Variants in PPFIBP1 observed in about 807,000 individuals in gnomAD.
PPFIBP1 encodes the protein liprin-beta-1.
Under a neutral mutation model 137.8 loss-of-function variants are expected in PPFIBP1, and 112 were observed. That is an observed-to-expected ratio of 0.81 (90% CI 0.70 to 0.95). The LOEUF (loss-of-function observed/expected upper bound fraction) is 0.95, where lower values mean the gene tolerates loss of function less well. Among genes scored for constraint, PPFIBP1 ranks in the 40% least tolerant of loss-of-function variants. The probability of loss-of-function intolerance (pLI) is 0.00; values close to 1 mark genes in which losing one functional copy is unlikely to be tolerated. For synonymous variants in PPFIBP1, 378 were observed against 417.3 expected (o/e 0.91, Z 1.15); for missense variants, 1,083 against 1,196.6 (o/e 0.91, Z 1.40).
chr12:27,647,727 A>G lies in PPFIBP1; in HGVS notation c.358-2A>G, dbSNP rs149472499. 6.3e-7 allele frequency: 1 copy of G among 1,580,132 alleles called. No individual in the cohort carries two copies. The highest frequency in any genetic ancestry group is 1.8e-5 in the Admixed American group (1 of 54,470). On this transcript the variant is annotated splice_acceptor_variant, in intron 5 of 29. Coordinates refer to ENST00000228425, the MANE Select transcript of PPFIBP1 (RefSeq NM_003622.4). LOFTEE classifies it high-confidence loss of function. ...CATTGCATTATTTTGCTCTAAATACAGGTAAGTGTGTTAACAGACCAGGTG... is the reference window on the plus strand; with the variant it reads ...CATTGCATTATTTTGCTCTAAATACGGGTAAGTGTGTTAACAGACCAGGTG...
At chr12:27,620,303 C>T (rs945757646) in intron 2 of PPFIBP1, among the ~76,000 whole-genome samples, 1 of 152,182 alleles carries the variant, frequency 6.6e-6, no homozygotes, top group African/African-American at 2.4e-5. Flanking sequence ...CCACCACTCC[C>T]ACCACGCCTT....
chr12:27,540,362 G>C (rs902607304), intron 1 of PPFIBP1, among the ~76,000 whole-genome samples: 8 of 151,334 alleles, frequency 5.3e-5, no homozygotes, highest in African/African-American at 1.9e-4. Context: ...CCCCGAGAAA[G>C]CCATCCCAAA....
chr12:27,634,677 C>T (rs2057524659), intron 3 of PPFIBP1, among the ~76,000 whole-genome samples: 1 of 152,170 alleles, frequency 6.6e-6, no homozygotes. Flanking sequence ...TTTCTATACC[C>T]CATGATTGGC....
chr12:27,641,694 C>T (rs1309446538), intron 4 of PPFIBP1, among the ~76,000 whole-genome samples: 2 of 152,128 alleles, frequency 1.3e-5, no homozygotes, highest in Non-Finnish European at 2.9e-5. Flanking sequence ...ACCACACCCA[C>T]CTCTAAATAC....
At chr12:27,662,320 C>G (rs534924037) in intron 11 of PPFIBP1, among the ~76,000 whole-genome samples, 108 of 152,294 alleles carry the variant, frequency 7.1e-4, no homozygotes, top group Non-Finnish European at 1.3e-3. Flanking sequence ...GACCACAGAG[C>G]TAAGTCAGTG....
At chr12:27,583,588 G>A (rs1426861311) in intron 2 of PPFIBP1, among the ~76,000 whole-genome samples, 2 of 152,164 alleles carry the variant, frequency 1.3e-5, no homozygotes, top group East Asian at 3.9e-4. Context: ...GATTGGGCCT[G>A]CTGTGTGGTT....
At chr12:27,615,962 A>G (rs2055702782) in intron 2 of PPFIBP1, among the ~76,000 whole-genome samples, 1 of 152,180 alleles carries the variant, frequency 6.6e-6, no homozygotes, top group Admixed American at 6.5e-5. Flanking sequence ...TTTGGGGGAG[A>G]CATTTAAATG....
At chr12:27,625,117 C>G (rs1382914666) in intron 2 of PPFIBP1, among the ~76,000 whole-genome samples, 1 of 151,936 alleles carries the variant, frequency 6.6e-6, no homozygotes, top group Non-Finnish European at 1.5e-5. Context: ...CAAAAATAAG[C>G]CAGGTGTGGT....
intron 2 of PPFIBP1, among the ~76,000 whole-genome samples, chr12:27,616,703 G>A (rs916366937): frequency 1.3e-5 from 2 of 152,234 alleles, no homozygotes; most frequent in African/African-American, 4.8e-5. Flanking sequence ...AAAGGGCGGA[G>A]ACTCTTCCTG....
chr12:27,658,228 G>T (rs1342077448), intron 9 of PPFIBP1, among the ~76,000 whole-genome samples: 1 of 152,014 alleles, frequency 6.6e-6, no homozygotes, highest in African/African-American at 2.4e-5. Context: ...CTGATCTGAG[G>T]ACTCGAACCA....
Position 27,551,782 on chromosome 12 carries a change from A to G in PPFIBP1, c.-123-26370A>G, listed in dbSNP as rs79160989. Among the ~76,000 whole-genome samples the G allele has an allele frequency of 5.6e-3, 853 of 152,336 alleles. 9 individuals carry two copies. Among genetic ancestry groups the G allele is most frequent in the African/African-American group, 0.019 (804 of 41,574 alleles). On this transcript the variant is annotated intron_variant, in intron 1 of 29. Transcript: ENST00000228425. The stretch of plus-strand genomic sequence containing the variant: ...TTTTATTTTGAGTTAACATATTGCT[A>G]AAGGATGTGAAGATTGTGTGTCAAG...
At chr12:27,621,587 G>A (rs1391521527) in intron 2 of PPFIBP1, among the ~76,000 whole-genome samples, 2 of 152,126 alleles carry the variant, frequency 1.3e-5, no homozygotes, top group African/African-American at 2.4e-5. Context: ...GCCGAAAACT[G>A]GTAATTCTGG....
chr12:27,623,427 C>G (rs2056521169), intron 2 of PPFIBP1, among the ~76,000 whole-genome samples: 2 of 152,120 alleles, frequency 1.3e-5, no homozygotes, highest in African/African-American at 4.8e-5. Context: ...TGGCTCGGTG[C>G]AGTGTCTCAC....
In PPFIBP1 at chr12:27,662,013, G is replaced by A. The variant is rs183530802; in HGVS notation, c.906+1068G>A. Among the ~76,000 whole-genome samples the A allele has an allele frequency of 1.4e-4, 22 of 152,018 alleles. No homozygotes were observed. In the East Asian group the frequency reaches 3.5e-3, roughly 24 times the overall value. ...TGTTTTCATTTCTGTCCCTCAAAAA[G>A]CCACAGCAAACAAAATTCCCAGTGT... On this transcript the variant is annotated intron_variant, in intron 11 of 29. Transcript: ENST00000228425.
At chr12:27,644,244 G>GTTTTTTTTTTTTTTTTTTTTTTTTTTTT (rs3842650) in intron 4 of PPFIBP1, among the ~76,000 whole-genome samples, 17 of 117,766 alleles carry the variant, frequency 1.4e-4, no homozygotes, top group East Asian at 5.5e-4. Flanking sequence ...GCTTGGCTAA[G>GTTTTTTTTTTTTTTTTTTTTTTTTTTTT]TTTTTTTTTT....
rs868789441 is a variant in PPFIBP1, at chr12:27,674,373, G to A, written c.1410+152G>A. On this transcript the variant is annotated intron_variant, in intron 17 of 29. Transcript: ENST00000228425. Reference sequence around the variant, plus strand: ...CAAAGTTCACATATTATATGATTCCGTTTATGTGAAACATCCAGAACAGAT... The same window carrying A: ...CAAAGTTCACATATTATATGATTCCATTTATGTGAAACATCCAGAACAGAT... 40 of 554,784 alleles carry A rather than the reference G, an allele frequency of 7.2e-5. No homozygotes were observed. In the South Asian group the frequency reaches 9.7e-4, roughly 13 times the overall value. 34.4% of individuals were successfully genotyped at this position (554,784 alleles called of 1,614,324 possible).
At chr12:27,641,463 G>A (rs774025655) in intron 4 of PPFIBP1, among the ~76,000 whole-genome samples, 3 of 152,108 alleles carry the variant, frequency 2.0e-5, no homozygotes, top group African/African-American at 7.2e-5. Flanking sequence ...CCTACCTTCC[G>A]TGAAGTAATA....
chr12:27,654,791 GA>G lies in PPFIBP1; in HGVS notation c.680del (p.Lys227SerfsTer12), dbSNP rs1188267325. On this transcript the variant is annotated frameshift_variant, in exon 8 of 30. Transcript: ENST00000228425. LOFTEE classifies it high-confidence loss of function. ...SEMDSERLQYEKKLKSTKDEL... is the reference protein window; with the variant it reads ...SEMDSERLQYXKKLKSTKDEL... Reference sequence around the variant, plus strand: ...AATGGACAGTGAGAGACTTCAGTATGAAAAAAAGCTTAAATCAACCAAAGTA... The same window carrying G: ...AATGGACAGTGAGAGACTTCAGTATGAAAAAAGCTTAAATCAACCAAAGTA... The G allele has an allele frequency of 6.2e-7, 1 of 1,611,250 alleles. No homozygotes were observed. Among genetic ancestry groups the G allele is most frequent in the Non-Finnish European group, 8.5e-7 (1 of 1,179,292 alleles).
chr12:27,660,770 G>T, intron 10 of PPFIBP1, 114 bp from the exon 11 acceptor site: 6 of 1,427,584 alleles, frequency 4.2e-6, no homozygotes, highest in Non-Finnish European at 4.7e-6. Context: ...AAGAATAAAT[G>T]AAAGAAATCA....
Sources: allele counts gnomAD v4.1 joint callset (sites outside exome capture counted in the v4.1 genomes callset), GRCh38; gene constraint gnomAD v4.1.1; transcripts MANE v1.5; gene names NCBI Gene and HGNC (gene_info 2026-07-23, HGNC 2026-07-21).